ZNF618: variants seen among roughly 807,000 people sequenced by gnomAD.
The protein encoded by ZNF618 is zinc finger protein 618.
ZNF618 carries 34 observed loss-of-function variants against 103.0 expected under a neutral mutation model. The ratio of observed to expected loss-of-function variants is 0.33; its 90% CI spans 0.25 to 0.44. The LOEUF is 0.44. Among genes scored for constraint, ZNF618 ranks in the 20% least tolerant of loss-of-function variants. The pLI is 1.00. For missense variants in ZNF618, 1,059 were observed against 1,295.4 expected (o/e 0.82, Z 2.80); for synonymous variants, 551 against 542.2 (o/e 1.02, Z -0.23).
chr9:114,049,365 C>A lies in ZNF618; in HGVS notation c.2063C>A (p.Thr688Lys). 1 of 1,607,680 alleles carries A rather than the reference C, an allele frequency of 6.2e-7. No homozygotes were observed. The highest frequency in any genetic ancestry group is 8.5e-7 in the Non-Finnish European group (1 of 1,177,600). Residue 688 changes from threonine (T) to lysine (K), a missense_variant, in exon 15 of 15, where the codon ACG (threonine) becomes AAG (lysine). Thr to Lys is a moderately conservative substitution (Grantham distance 78, BLOSUM62 -1). Transcript: ENST00000374126. ...GAGACCTTCGGGTCGCTGGAGGAGA[C>A]GTCTCCACCACCCTGCTGGAACTCG... is the stretch of plus-strand genomic sequence containing the variant. ...AKETFGSLEE[T>K]SPPPCWNSVT...
chr9:113,961,857 T>C (rs1836869150), intron 1 of ZNF618, among the ~76,000 whole-genome samples: 1 of 152,190 alleles, frequency 6.6e-6, no homozygotes, highest in Non-Finnish European at 1.5e-5. Flanking sequence ...GAGTTGGAGC[T>C]CTGTAGCTAG....
chr9:113,962,030 T>C (rs1421589475), intron 1 of ZNF618, among the ~76,000 whole-genome samples: 1 of 152,210 alleles, frequency 6.6e-6, no homozygotes, highest in African/African-American at 2.4e-5. Flanking sequence ...ATAAGTCACT[T>C]AGCCCCTCCA....
In ZNF618 at chr9:114,047,965, C is replaced by T. The variant is rs576360723; in HGVS notation, c.1319C>T (p.Pro440Leu). Reference protein sequence around the residue: ...PPAVVEEKWKPQAQRNSANNT... With the variant: ...PPAVVEEKWKLQAQRNSANNT... ...GCTGTTGTAGAAGAGAAGTGGAAACCTCAGGCCCAGAGGAACAGTGCCAAT... is the reference window on the plus strand; with the variant it reads ...GCTGTTGTAGAAGAGAAGTGGAAACTTCAGGCCCAGAGGAACAGTGCCAAT... Residue 440 changes from proline to leucine, a missense_variant, in exon 14 of 15, where the codon CCT (proline) becomes CTT (leucine). Physicochemically the swap from Pro to Leu is moderately conservative, Grantham distance 98 (BLOSUM62 -3). Around this residue, in one of 6 missense-constraint regions of ZNF618, gnomAD observed 434 missense variants for 476.0 expected, o/e 0.91. Transcript: ENST00000374126. 4 of 1,596,188 alleles carry T rather than the reference C, an allele frequency of 2.5e-6. No individual in the cohort carries two copies. The highest frequency in any genetic ancestry group is 2.3e-5 in the South Asian group (2 of 87,234).
chr9:113,977,238 G>A (rs768643001), intron 2 of ZNF618, among the ~76,000 whole-genome samples: 5 of 152,192 alleles, frequency 3.3e-5, no homozygotes, highest in African/African-American at 4.8e-5. Flanking sequence ...AGCTGGCGAC[G>A]TGGGCAGGAA....
chr9:113,951,597 G>GTGTGTA (rs1554733193), intron 1 of ZNF618, among the ~76,000 whole-genome samples: 3 of 51,960 alleles, frequency 5.8e-5, no homozygotes, highest in Non-Finnish European at 1.3e-4. Context: ...GTGTGTGTGT[G>GTGTGTA]TATATATATG....
At chr9:114,019,798 C>T (rs982733298) in intron 10 of ZNF618, among the ~76,000 whole-genome samples, 4 of 152,118 alleles carry the variant, frequency 2.6e-5, no homozygotes, top group Admixed American at 2.0e-4. Flanking sequence ...TCTGGCATGC[C>T]AGTTGATTTT....
At chr9:113,989,052 G>C (rs1397380953) in intron 3 of ZNF618, among the ~76,000 whole-genome samples, 1 of 152,210 alleles carries the variant, frequency 6.6e-6, no homozygotes, top group Non-Finnish European at 1.5e-5. Flanking sequence ...GCCCAGAGGA[G>C]CTCTGTGGAA....
intron 2 of ZNF618, among the ~76,000 whole-genome samples, chr9:113,975,058 A>G (rs959685834): frequency 1.3e-5 from 2 of 152,112 alleles, no homozygotes; most frequent in East Asian, 1.9e-4. Flanking sequence ...TATTACTACC[A>G]TGGTGGATTC....
At chr9:113,979,320 CAA>C (rs1444403800) in intron 2 of ZNF618, among the ~76,000 whole-genome samples, 1 of 152,184 alleles carries the variant, frequency 6.6e-6, no homozygotes, top group Non-Finnish European at 1.5e-5. Context: ...CCTGCACCCT[CAA>C]GAGAGAATGT....
In ZNF618 at chr9:114,053,029, A is replaced by T. The variant is rs1216092788; in HGVS notation, c.*2862A>T. On this transcript the variant is annotated 3_prime_UTR_variant, in exon 15 of 15. Coordinates refer to ENST00000374126, the MANE Select transcript of ZNF618 (RefSeq NM_001318042.2). ...CTGGGGCTGCCTTGTCCAGTTAGAT[A>T]ACAAGATAGCAGATGATTGTTTCTT... 1 of 152,356 alleles carries T rather than the reference A, an allele frequency of 6.6e-6. No individual in the cohort carries two copies. The highest frequency in any genetic ancestry group is 1.5e-5 in the Non-Finnish European group (1 of 68,058). 9.4% of individuals were successfully genotyped at this position (152,356 alleles called of 1,614,324 possible). A position where few individuals can be genotyped will look rare whatever the true frequency, so the allele number is the denominator to read the frequency against.
intron 1 of ZNF618, among the ~76,000 whole-genome samples, chr9:113,879,393 T>C (rs1389658969): frequency 6.8e-6 from 1 of 146,112 alleles, no homozygotes; most frequent in Non-Finnish European, 1.5e-5. Context: ...TTTTTTTTTT[T>C]TCTGTTTTTT....
At chr9:113,965,304 T>G (rs899681936) in intron 1 of ZNF618, among the ~76,000 whole-genome samples, 2 of 152,112 alleles carry the variant, frequency 1.3e-5, no homozygotes, top group Non-Finnish European at 2.9e-5. Context: ...AGAAATAAAA[T>G]TTCTGGGTTT....
chr9:114,043,955 T>C (rs1845436911), intron 13 of ZNF618, among the ~76,000 whole-genome samples: 1 of 152,220 alleles, frequency 6.6e-6, no homozygotes, highest in Non-Finnish European at 1.5e-5. Context: ...TATTAGTCCT[T>C]TGTCAGATGC....
intron 1 of ZNF618, among the ~76,000 whole-genome samples, chr9:113,960,944 T>G (rs991993560): frequency 2.0e-5 from 3 of 152,206 alleles, no homozygotes; most frequent in African/African-American, 7.2e-5. Flanking sequence ...CTTCCTTCAT[T>G]GGTGAAGCCT....
rs3034065 is a variant in ZNF618, at chr9:113,884,774, C to CAGAGAG, written c.33+8395_33+8400dup. 1.3e-3 allele frequency among the ~76,000 whole-genome samples: 178 copies of CAGAGAG among 142,288 alleles called. 1 individual carries two copies. Among genetic ancestry groups the CAGAGAG allele is most frequent in the South Asian group, 3.2e-3 (13 of 4,072 alleles). 93.3% of individuals were successfully genotyped at this position (142,288 alleles called of 152,430 possible). A position where few individuals can be genotyped will look rare whatever the true frequency, so the allele number is the denominator to read the frequency against. ...CCTTCCTTATCGAGACACAAACACA[C>CAGAGAG]AGAGAGAGAGAGAGAGAGAGAGAGA... On this transcript the variant is annotated intron_variant, in intron 1 of 14. Transcript: ENST00000374126.
chr9:114,028,415 T>A (rs1843705227), intron 10 of ZNF618: 1 of 318,042 alleles, frequency 3.1e-6, no homozygotes, highest in Non-Finnish European at 5.8e-6. Flanking sequence ...TTCTAGAAGA[T>A]GCACTTGGGC....
chr9:113,886,327 C>T (rs1019925316), intron 1 of ZNF618, among the ~76,000 whole-genome samples: 1 of 152,034 alleles, frequency 6.6e-6, no homozygotes, highest in African/African-American at 2.4e-5. Flanking sequence ...AATTGGGGGA[C>T]TAAGGGTGGG....
chr9:113,964,919 G>A (rs1242437553), intron 1 of ZNF618, among the ~76,000 whole-genome samples: 2 of 148,782 alleles, frequency 1.3e-5, no homozygotes, highest in South Asian at 2.1e-4. Context: ...GGAAAATTGA[G>A]CAATAAATCA....
At chr9:113,980,668 A>G (rs1442912360) in intron 2 of ZNF618, among the ~76,000 whole-genome samples, 2 of 152,248 alleles carry the variant, frequency 1.3e-5, no homozygotes, top group Non-Finnish European at 2.9e-5. Context: ...TCCTTGGGGC[A>G]TATCAAGTTG....
Sources: allele counts gnomAD v4.1 joint callset (sites outside exome capture counted in the v4.1 genomes callset), GRCh38; gene constraint gnomAD v4.1.1; regional missense constraint gnomAD v4.1.1; transcripts MANE v1.5; gene names NCBI Gene and HGNC (gene_info 2026-07-23, HGNC 2026-07-21).